TANK: variants seen among roughly 807,000 people sequenced by gnomAD.
TANK encodes TRAF family member associated NFKB activator.
In TANK, 15 loss-of-function variants were observed where a neutral mutation model predicts 43.6. That is an observed-to-expected ratio of 0.34 (90% CI 0.23 to 0.53). The LOEUF is 0.53. TANK is among the 20% of genes least tolerant of loss of function. The pLI is 0.94. For synonymous variants in TANK, 162 were observed against 178.2 expected (o/e 0.91, Z 0.73); for missense variants, 417 against 498.6 (o/e 0.84, Z 1.56).
At chr2:161,141,464 AT>A (rs1464486829) in intron 1 of TANK, among the ~76,000 whole-genome samples, 1 of 151,826 alleles carries the variant, frequency 6.6e-6, no homozygotes, top group East Asian at 1.9e-4. Context: ...TGCATTAGCT[AT>A]TTATCCCTCC....
intron 1 of TANK, among the ~76,000 whole-genome samples, chr2:161,172,169 A>G (rs1273975646): frequency 6.6e-6 from 1 of 152,174 alleles, no homozygotes; most frequent in Non-Finnish European, 1.5e-5. Flanking sequence ...ACAAAATGTC[A>G]TACACTATTT....
At position 161,200,314 on chromosome 2, in the gene TANK, A is replaced by C. The variant is rs1388760832; in HGVS notation, c.100-3173A>C. ...TGCTTTGTAATTGTATTTTAAAAAA[A>C]TACTATGACTGTGCAACAATAATCT... On this transcript the variant is annotated intron_variant, in intron 2 of 7. Transcript: ENST00000392749. 3.1e-6 allele frequency: 3 copies of C among 980,282 alleles called. No individual in the cohort carries two copies. The East Asian group carries it at 3.4e-4, about 112-fold the overall frequency. 60.7% of individuals were successfully genotyped at this position (980,282 alleles called of 1,614,324 possible).
chr2:161,216,311 G>T, intron 4 of TANK: 1 of 450,008 alleles, frequency 2.2e-6, no homozygotes, highest in Non-Finnish European at 4.5e-6. Flanking sequence ...AATGGCCACA[G>T]TGAATCTCCT....
chr2:161,194,046 C>T (rs959097366), intron 2 of TANK, among the ~76,000 whole-genome samples: 1 of 152,122 alleles, frequency 6.6e-6, no homozygotes, highest in Admixed American at 6.5e-5. Context: ...AGTTACTTGT[C>T]ATCAATTTCT....
chr2:161,151,274 G>A (rs897177987), intron 1 of TANK, among the ~76,000 whole-genome samples: 1 of 152,114 alleles, frequency 6.6e-6, no homozygotes, highest in Admixed American at 6.6e-5. Flanking sequence ...TGCTCTACAT[G>A]TCTGCTAGGT....
At chr2:161,139,582 A>C (rs556823908) in intron 1 of TANK, 62 of 455,942 alleles carry the variant, frequency 1.4e-4, no homozygotes, top group African/African-American at 1.2e-3. Context: ...TATAGTTATG[A>C]GCTATGATTT....
Position 161,235,642 on chromosome 2 carries a change from G to T in TANK, c.*124G>T. 1 of 775,852 alleles carries T rather than the reference G, an allele frequency of 1.3e-6. No homozygotes were observed. The highest frequency in any genetic ancestry group is 1.9e-6 in the Non-Finnish European group (1 of 532,096). The allele number at this position is 775,852 out of a possible 1,614,324, so 48.1% of individuals were successfully genotyped here. A position where few individuals can be genotyped will look rare whatever the true frequency, so the allele number is the denominator to read the frequency against. ...GGAAAATCTAGTTTCACAGCTATTT[G>T]AATTTTTTTCTGGATTTACTATATA... On this transcript the variant is annotated 3_prime_UTR_variant, in exon 8 of 8. Transcript: ENST00000392749.
In TANK at chr2:161,235,836, T is replaced by C; in HGVS notation, c.*318T>C. The C allele has an allele frequency of 5.9e-6, 1 of 169,072 alleles. No homozygotes were observed. Among genetic ancestry groups the C allele is most frequent in the Non-Finnish European group, 1.3e-5 (1 of 79,658 alleles). The allele number at this position is 169,072 out of a possible 1,614,324, so 10.5% of individuals were successfully genotyped here. A position where few individuals can be genotyped will look rare whatever the true frequency, so the allele number is the denominator to read the frequency against. Reference sequence around the variant, plus strand: ...GACTTAGAGTTATATAATCATAATTTATGTTTATTTCAAATATCTAAGTTT... The same window carrying C: ...GACTTAGAGTTATATAATCATAATTCATGTTTATTTCAAATATCTAAGTTT... On this transcript the variant is annotated 3_prime_UTR_variant, in exon 8 of 8. Transcript: ENST00000392749.
At chr2:161,143,888 G>A (rs1023476035) in intron 1 of TANK, among the ~76,000 whole-genome samples, 4 of 152,174 alleles carry the variant, frequency 2.6e-5, no homozygotes, top group African/African-American at 9.7e-5. Flanking sequence ...AGAAGGAATG[G>A]TACAAGCTCC....
At chr2:161,170,254 T>C (rs958079790) in intron 1 of TANK, among the ~76,000 whole-genome samples, 1 of 152,170 alleles carries the variant, frequency 6.6e-6, no homozygotes, top group African/African-American at 2.4e-5. Flanking sequence ...CAACAAGAAC[T>C]TCAACAAATG....
chr2:161,223,091 A>G (rs1462761692), intron 4 of TANK: 1 of 152,110 alleles, frequency 6.6e-6, no homozygotes, highest in African/African-American at 2.4e-5. Flanking sequence ...AAAGACAGAT[A>G]TCCACTGGTT....
intron 1 of TANK, among the ~76,000 whole-genome samples, chr2:161,168,871 T>C (rs752439300): frequency 1.3e-5 from 2 of 152,002 alleles, no homozygotes; most frequent in East Asian, 3.9e-4. Flanking sequence ...TCAAAAAAAA[T>C]AAACAGAAGC....
At position 161,139,765 on chromosome 2, in the gene TANK, C is replaced by T. The variant is rs1460602179; in HGVS notation, c.-50+2702C>T. ...CAGAAAAAGAATGAAAACAATGTGACATAAGCCAAGTAACCCTATCCAGGC... is the reference window on the plus strand; with the variant it reads ...CAGAAAAAGAATGAAAACAATGTGATATAAGCCAAGTAACCCTATCCAGGC... On this transcript the variant is annotated intron_variant, in intron 1 of 7. Transcript: ENST00000259075. 3 of 985,340 alleles carry T rather than the reference C, an allele frequency of 3.0e-6. No individual in the cohort carries two copies. The East Asian group carries it at 3.4e-4, about 112-fold the overall frequency. 61.0% of individuals were successfully genotyped at this position (985,340 alleles called of 1,614,324 possible). A position where few individuals can be genotyped will look rare whatever the true frequency, so the allele number is the denominator to read the frequency against.
intron 1 of TANK, 48 bp downstream of exon 1, chr2:161,160,534 G>T: frequency 7.9e-7 from 1 of 1,271,078 alleles, no homozygotes; most frequent in South Asian, 2.6e-5. Flanking sequence ...CGTCAAGCAC[G>T]ACGTCGGAGA....
intron 1 of TANK, among the ~76,000 whole-genome samples, chr2:161,138,714 C>T (rs1357208029): frequency 6.6e-6 from 1 of 152,158 alleles, no homozygotes; most frequent in Non-Finnish European, 1.5e-5. Context: ...TGTCTAGTTA[C>T]TTCTTTTAAA....
chr2:161,142,652 G>A (rs1173956571), intron 1 of TANK, among the ~76,000 whole-genome samples: 2 of 152,094 alleles, frequency 1.3e-5, no homozygotes, highest in African/African-American at 4.8e-5. Flanking sequence ...TGTTATTTCT[G>A]AGGTCTCTGT....
intron 1 of TANK, among the ~76,000 whole-genome samples, chr2:161,171,780 A>G (rs1409515886): frequency 1.3e-5 from 2 of 152,050 alleles, no homozygotes; most frequent in East Asian, 3.8e-4. Flanking sequence ...CAACTCGTTA[A>G]CTCATAAGAT....
intron 1 of TANK, among the ~76,000 whole-genome samples, chr2:161,171,662 G>C (rs1304006555): frequency 6.6e-6 from 1 of 152,120 alleles, no homozygotes; most frequent in Non-Finnish European, 1.5e-5. Context: ...TTTGTGAAAA[G>C]GTCCTCTATC....
intron 4 of TANK, among the ~76,000 whole-genome samples, chr2:161,215,083 C>CA (rs1174813006): frequency 6.6e-6 from 1 of 152,136 alleles, no homozygotes; most frequent in Non-Finnish European, 1.5e-5. Context: ...GTATTCCTGA[C>CA]ATGAACAGCA....
Sources: gnomAD v4.1 joint callset for allele counts (sites outside exome capture counted in the v4.1 genomes callset) on GRCh38, gnomAD v4.1.1 for gene constraint, MANE v1.5 for transcripts, NCBI Gene and HGNC (gene_info 2026-07-23, HGNC 2026-07-21) for gene names.